Variants in AKAP13 observed in about 807,000 individuals in gnomAD.
The protein encoded by AKAP13 is A-kinase anchoring protein 13.
A neutral mutation model predicts 264.5 loss-of-function variants in AKAP13; 80 were observed. The ratio of observed to expected loss-of-function variants is 0.30; its 90% CI spans 0.25 to 0.36. AKAP13 has a LOEUF of 0.36. Ranked by LOEUF, AKAP13 falls within the 10% of genes least tolerant of loss-of-function variation. AKAP13 has a pLI of 1.00. For missense variants in AKAP13, 3,712 were observed against 3,435.2 expected, an observed-to-expected ratio of 1.08 and a Z score of -2.01; for synonymous variants, 1,380 against 1,250.2, an observed-to-expected ratio of 1.10 and a Z score of -2.19.
At chr15:85,519,179 C>G (rs530717858) in intron 2 of AKAP13, among the ~76,000 whole-genome samples, 1 of 152,100 alleles carries the variant, frequency 6.6e-6, no homozygotes, top group South Asian at 2.1e-4. Flanking sequence ...CCTTTTATGG[C>G]CCATTGTAGT....
chr15:85,415,505 A>G (rs905458649), intron 1 of AKAP13: 3 of 1,541,792 alleles, frequency 1.9e-6, no homozygotes, highest in African/African-American at 2.7e-5. Context: ...CAGATGGTGC[A>G]TTGGTTCAAC....
intron 9 of AKAP13, among the ~76,000 whole-genome samples, chr15:85,644,693 C>CAAAAAAAAAAAAAAA (rs1161365911): frequency 2.9e-5 from 3 of 103,904 alleles, no homozygotes; most frequent in Non-Finnish European, 5.7e-5. Context: ...ACTAAAAATA[C>CAAAAAAAAAAAAAAA]AAAAAAAAAA....
At chr15:85,554,752 A>G (rs1490815954) in intron 5 of AKAP13, among the ~76,000 whole-genome samples, 1 of 152,218 alleles carries the variant, frequency 6.6e-6, no homozygotes, top group African/African-American at 2.4e-5. Flanking sequence ...TGACAGATTT[A>G]GTATTTTCAC....
chr15:85,669,197 C>T (rs1020762254), intron 13 of AKAP13, among the ~76,000 whole-genome samples: 1 of 152,122 alleles, frequency 6.6e-6, no homozygotes, highest in Non-Finnish European at 1.5e-5. Flanking sequence ...CAAGATTATG[C>T]CTCTGCACAT....
chr15:85,569,799 C>T (rs1029312482), intron 5 of AKAP13, among the ~76,000 whole-genome samples: 4 of 151,772 alleles, frequency 2.6e-5, no homozygotes, highest in Admixed American at 1.3e-4. Context: ...GCCACTGGGC[C>T]GGGTGTGGTG....
At chr15:85,653,786 G>C (rs970119789) in intron 10 of AKAP13, among the ~76,000 whole-genome samples, 1 of 152,086 alleles carries the variant, frequency 6.6e-6, no homozygotes, top group Non-Finnish European at 1.5e-5. Flanking sequence ...CCCCCATCCC[G>C]TAAGAGTGCA....
At chr15:85,720,031 A>C (rs1236443647) in intron 23 of AKAP13, among the ~76,000 whole-genome samples, 1 of 152,106 alleles carries the variant, frequency 6.6e-6, no homozygotes, top group African/African-American at 2.4e-5. Context: ...CCAGGTGTTC[A>C]AGACTAGCCT....
intron 16 of AKAP13, among the ~76,000 whole-genome samples, chr15:85,692,732 A>G (rs1362366595): frequency 2.0e-5 from 3 of 152,218 alleles, no homozygotes; most frequent in Admixed American, 1.3e-4. Context: ...TAATATTTCT[A>G]ACTAGAGTAA....
In AKAP13 at chr15:85,582,092, C is replaced by T. The variant is rs753029228; in HGVS notation, c.4024C>T (p.Pro1342Ser). Residue 1342 changes from proline (P) to serine (S), a missense_variant, in exon 7 of 37, where the codon CCT becomes TCT. Physicochemically the swap from Pro to Ser is moderately conservative, Grantham distance 74. This residue lies in a region of AKAP13 where 2,759 missense variants were observed against 2,411.7 expected (regional missense o/e 1.14). Transcript: ENST00000394518. Reference sequence around the variant, plus strand: ...GAAGATCATTTTACCTGTCCAGGGGCCTGAGCCAGCAGCAGGTAAGCAAAA... The same window carrying T: ...GAAGATCATTTTACCTGTCCAGGGGTCTGAGCCAGCAGCAGGTAAGCAAAA... ...PEKIILPVQG[P>S]EPAAEMPDVK... is the part of the protein sequence containing the mutation. 3 of 1,596,108 alleles carry T rather than the reference C, an allele frequency of 1.9e-6. No individual in the cohort carries two copies. Among genetic ancestry groups the T allele is most frequent in the South Asian group, 2.2e-5 (2 of 90,026 alleles).
At chr15:85,639,353 T>C in intron 8 of AKAP13, 21 bp from the exon 9 acceptor site, 1 of 1,559,288 alleles carries the variant, frequency 6.4e-7, no homozygotes, top group South Asian at 1.1e-5. Context: ...TCTGAAACTC[T>C]GTGTTTTCTT....
chr15:85,453,144 A>G (rs117799764), intron 1 of AKAP13, among the ~76,000 whole-genome samples: 5,669 of 152,244 alleles, frequency 0.037, 159 homozygotes, highest in Non-Finnish European at 0.06. Context: ...TGGATAAAGC[A>G]CTTAATGTCT....
At chr15:85,388,210 ATT>A (rs576182387) in intron 1 of AKAP13, among the ~76,000 whole-genome samples, 5 of 140,082 alleles carry the variant, frequency 3.6e-5, no homozygotes, top group Non-Finnish European at 3.1e-5. Context: ...TAATTTTTGT[ATT>A]TTTTTTTTTT....
At chr15:85,674,679 C>G (rs2084119965) in intron 14 of AKAP13, among the ~76,000 whole-genome samples, 1 of 152,066 alleles carries the variant, frequency 6.6e-6, no homozygotes, top group Admixed American at 6.6e-5. Context: ...CATATCTGTA[C>G]CAGATCTTTA....
intron 1 of AKAP13, among the ~76,000 whole-genome samples, chr15:85,482,786 G>C (rs2075390674): frequency 6.6e-6 from 1 of 152,206 alleles, no homozygotes; most frequent in Admixed American, 6.5e-5. Flanking sequence ...GTAAATGTTA[G>C]TTTTGTCTTT....
At chr15:85,470,104 A>G (rs745926013) in intron 1 of AKAP13, among the ~76,000 whole-genome samples, 1 of 152,178 alleles carries the variant, frequency 6.6e-6, no homozygotes, top group Non-Finnish European at 1.5e-5. Flanking sequence ...CCTGGCCAAC[A>G]CGGTGAAACC....
At chr15:85,497,345 G>A (rs959067620) in intron 2 of AKAP13, among the ~76,000 whole-genome samples, 5 of 152,314 alleles carry the variant, frequency 3.3e-5, no homozygotes, top group East Asian at 1.9e-4. Context: ...GCTGCTAGAC[G>A]AGCTGTGCAA....
rs750905368 is a variant in AKAP13 at position 85,723,276 on chromosome 15, G to A, written c.6701G>A (p.Arg2234His). 5.5e-5 allele frequency: 88 copies of A among 1,614,026 alleles called. No homozygotes were observed. The highest frequency in any genetic ancestry group is 6.9e-5 in the Non-Finnish European group (81 of 1,179,996). ...KEDLKRKKLV[R>H]DGSVFLKNAA... ...GATTTGAAACGGAAGAAGCTTGTAC[G>A]TGATGGGAGTGTGTTTCTGAAGAAT... Residue 2234 changes from arginine to histidine, a missense_variant, in exon 26 of 37, where the codon CGT (arginine) becomes CAT (histidine). Arg to His is a conservative substitution (Grantham distance 29). Coordinates refer to ENST00000394518, the MANE Select transcript of AKAP13 (RefSeq NM_007200.5).
intron 3 of AKAP13, among the ~76,000 whole-genome samples, chr15:85,525,887 T>G (rs8026938): frequency 0.53 from 79,874 of 152,062 alleles, 21,451 homozygotes; most frequent in Middle Eastern, 0.62. Flanking sequence ...AGTGATTTCA[T>G]AGTGGAAGAT....
intron 3 of AKAP13, among the ~76,000 whole-genome samples, chr15:85,522,450 T>C (rs1200489116): frequency 2.6e-5 from 4 of 152,078 alleles, no homozygotes; most frequent in African/African-American, 9.7e-5. Context: ...ACAAAGTCTG[T>C]TCTATTGGTG....
Sources: gnomAD v4.1 joint callset for allele counts (sites outside exome capture counted in the v4.1 genomes callset) on GRCh38, gnomAD v4.1.1 for gene constraint, gnomAD v4.1.1 regional missense constraint, MANE v1.5 for transcripts, NCBI Gene and HGNC (gene_info 2026-07-23, HGNC 2026-07-21) for gene names.